KCNQ1: variants seen among roughly 807,000 people sequenced by gnomAD.
The protein encoded by KCNQ1 is potassium voltage-gated channel subfamily KQT member 1.
KCNQ1 carries 49 observed loss-of-function variants against 72.4 expected under a neutral mutation model. That is an observed-to-expected ratio of 0.68 (90% confidence interval 0.54 to 0.86). The LOEUF is 0.86. Among genes scored for constraint, KCNQ1 ranks in the 40% least tolerant of loss-of-function variants. The pLI is 0.00. For synonymous variants in KCNQ1, 450 were observed against 412.6 expected (o/e 1.09, Z -1.10); for missense variants, 790 against 945.1 (o/e 0.84, Z 2.15).
At position 2,475,858 on chromosome 11, in the gene KCNQ1, G is replaced by C. The variant is rs1362974096; in HGVS notation, c.386+30374G>C. ...TTGCCTGCCACCATCCACGTAAGAT[G>C]GGACTTGGTCCTCCTTGCCTTCCGC... is the stretch of plus-strand genomic sequence containing the variant. On this transcript the variant is annotated intron_variant, in intron 1 of 15. Coordinates refer to ENST00000155840, the MANE Select transcript of KCNQ1 (RefSeq NM_000218.3). This position sits in a 1 kb window ranked among gnomAD's most constrained non-coding sequence, Gnocchi z 5.8. Among the ~76,000 whole-genome samples, 1 of 152,172 alleles carries C rather than the reference G, an allele frequency of 6.6e-6. No homozygotes were observed. The highest frequency in any genetic ancestry group is 1.5e-5 in the Non-Finnish European group (1 of 68,026).
Position 2,492,418 on chromosome 11 carries a change from A to G in KCNQ1, c.387-35510A>G, listed in dbSNP as rs1344195857. ...GTGCAGGTTTGTTACATACGTATAC[A>G]GTGCCATGGTGGTTTGCTGCACCTA... On this transcript the variant is annotated intron_variant, in intron 1 of 15. Coordinates refer to ENST00000155840, the MANE Select transcript of KCNQ1 (RefSeq NM_000218.3). The surrounding 1 kb of genome is among the most constrained non-coding windows in gnomAD (Gnocchi z 4.1). Among the ~76,000 whole-genome samples the G allele has an allele frequency of 3.3e-5, 5 of 152,180 alleles. No individual in the cohort carries two copies. The highest frequency in any genetic ancestry group is 7.3e-5 in the Non-Finnish European group (5 of 68,028).
At chr11:2,577,636 GGT>G (rs1848442618) in intron 6 of KCNQ1, among the ~76,000 whole-genome samples, 1 of 152,318 alleles carries the variant, frequency 6.6e-6, no homozygotes, top group African/African-American at 2.4e-5. Flanking sequence ...TTTATTTTGG[GGT>G]GTGTGTCTGC....
chr11:2,658,209 A>C lies in KCNQ1; in HGVS notation c.1394-3752A>C, dbSNP rs1849886084. On this transcript the variant is annotated intron_variant, in intron 10 of 15. Coordinates refer to ENST00000155840, the MANE Select transcript of KCNQ1 (RefSeq NM_000218.3). The surrounding 1 kb of genome is among the most constrained non-coding windows in gnomAD (Gnocchi z 4.9). ...CTGAGTTTCACTAACTAATTTCAGC[A>C]TTCATTCATGGATCGTTTTCCTGCA... The C allele has an allele frequency of 2.5e-6, 1 of 398,472 alleles. No individual in the cohort carries two copies. Among genetic ancestry groups the C allele is most frequent in the African/African-American group, 2.1e-5 (1 of 48,626 alleles). The allele number at this position is 398,472 out of a possible 1,614,324, so 24.7% of individuals were successfully genotyped here. A position where few individuals can be genotyped will look rare whatever the true frequency, so the allele number is the denominator to read the frequency against.
chr11:2,622,457 G>C (rs1485481052), intron 10 of KCNQ1: 1 of 398,246 alleles, frequency 2.5e-6, no homozygotes, highest in East Asian at 3.6e-5. Flanking sequence ...AAGTGAGTTT[G>C]TTATATACAG....
At chr11:2,560,790 G>A (rs1041295096) in intron 2 of KCNQ1, among the ~76,000 whole-genome samples, 2 of 152,054 alleles carry the variant, frequency 1.3e-5, no homozygotes, top group South Asian at 2.1e-4. Flanking sequence ...TGGAGAAGGC[G>A]GGCCCCTGAC....
chr11:2,511,211 G>A (rs1847196064), intron 1 of KCNQ1, among the ~76,000 whole-genome samples: 1 of 152,194 alleles, frequency 6.6e-6, no homozygotes, highest in Non-Finnish European at 1.5e-5. Context: ...CACCTTGGGT[G>A]TGACTGTCAC....
At chr11:2,568,652 G>A (rs1019955070) in intron 2 of KCNQ1, among the ~76,000 whole-genome samples, 3 of 152,182 alleles carry the variant, frequency 2.0e-5, no homozygotes, top group Non-Finnish European at 2.9e-5. Flanking sequence ...TCCTTCATTC[G>A]TTCATTCAGC....
intron 15 of KCNQ1, among the ~76,000 whole-genome samples, chr11:2,797,164 G>A (rs1359690758): frequency 6.6e-6 from 1 of 152,200 alleles, no homozygotes. Context: ...CAGACCTGGG[G>A]GGGTGGCGGG....
Position 2,695,276 on chromosome 11 carries a change from C to A in KCNQ1, c.1514+33195C>A, listed in dbSNP as rs748869373. ...TTCCACTTCATCTCTAGCCTCTATC[C>A]TTGCTCTCCTCCCTACACAAACAGC... On this transcript the variant is annotated intron_variant, in intron 11 of 15. Transcript: ENST00000155840. This position sits in a 1 kb window ranked among gnomAD's most constrained non-coding sequence, Gnocchi z 5.2. 2.5e-5 allele frequency: 10 copies of A among 398,516 alleles called. No homozygotes were observed. The highest frequency in any genetic ancestry group is 4.0e-5 in the Non-Finnish European group (9 of 226,164). The allele number at this position is 398,516 out of a possible 1,614,324, so 24.7% of individuals were successfully genotyped here. A position where few individuals can be genotyped will look rare whatever the true frequency, so the allele number is the denominator to read the frequency against.
rs1281285992 is a variant in KCNQ1 at position 2,742,903 on chromosome 11, C to T, written c.1515-25941C>T. On this transcript the variant is annotated intron_variant, in intron 11 of 15. Coordinates refer to ENST00000155840, the MANE Select transcript of KCNQ1 (RefSeq NM_000218.3). Reference sequence around the variant, plus strand: ...CCGAGCCCCCACACCTGTGGTGTGGCAGCCACCCAGCAAGACTGGACCGAG... The same window carrying T: ...CCGAGCCCCCACACCTGTGGTGTGGTAGCCACCCAGCAAGACTGGACCGAG... 3.3e-5 allele frequency among the ~76,000 whole-genome samples: 5 copies of T among 152,332 alleles called. No homozygotes were observed. In the East Asian group the frequency reaches 9.6e-4, roughly 29 times the overall value.
chr11:2,625,477 G>T, intron 10 of KCNQ1: 1 of 398,250 alleles, frequency 2.5e-6, no homozygotes, highest in South Asian at 1.3e-4. Context: ...TTGTGGTTTT[G>T]ACTTGTATTT....
chr11:2,458,167 C>A lies in KCNQ1; in HGVS notation c.386+12683C>A, dbSNP rs1846222995. ...TGGAACTTGAAGGGGTCCTTGTCTT[C>A]CCCCTTCTCCCCAAGCTGAAGATGC... On this transcript the variant is annotated intron_variant, in intron 1 of 15. Coordinates refer to ENST00000155840, the MANE Select transcript of KCNQ1 (RefSeq NM_000218.3). The surrounding 1 kb of genome is among the most constrained non-coding windows in gnomAD (Gnocchi z 4.6). Among the ~76,000 whole-genome samples, 1 of 152,032 alleles carries A rather than the reference C, an allele frequency of 6.6e-6. No individual in the cohort carries two copies. The highest frequency in any genetic ancestry group is 2.1e-4 in the South Asian group (1 of 4,832).
intron 11 of KCNQ1, among the ~76,000 whole-genome samples, chr11:2,741,875 CT>C (rs1846057880): frequency 6.6e-6 from 1 of 152,216 alleles, no homozygotes; most frequent in Non-Finnish European, 1.5e-5. Context: ...AGGCCCCACT[CT>C]CTGCCACCCC....
rs1443138438 is a variant in KCNQ1 at position 2,493,988 on chromosome 11, T to A, written c.387-33940T>A. Among the ~76,000 whole-genome samples, 1 of 119,194 alleles carries A rather than the reference T, an allele frequency of 8.4e-6. No individual in the cohort carries two copies. Among genetic ancestry groups the A allele is most frequent in the Non-Finnish European group, 1.7e-5 (1 of 58,072 alleles). 78.2% of individuals were successfully genotyped at this position (119,194 alleles called of 152,430 possible). On this transcript the variant is annotated intron_variant, in intron 1 of 15. Coordinates refer to ENST00000155840, the MANE Select transcript of KCNQ1 (RefSeq NM_000218.3). This position sits in a 1 kb window ranked among gnomAD's most constrained non-coding sequence, Gnocchi z 5.3. ...ATTATTCCTATCCATGAGCATGGAATTTTTTTTCCATTTGTTTGTGTCCTT... is the reference window on the plus strand; with the variant it reads ...ATTATTCCTATCCATGAGCATGGAAATTTTTTTCCATTTGTTTGTGTCCTT...
In KCNQ1 at chr11:2,818,784, C is replaced by G. The variant is rs760990277; in HGVS notation, c.1795-28983C>G. Reference sequence around the variant, plus strand: ...CTAGCCTTGTGCTCAGCTGCCAGCACAGCCCCCACCACACACTCCCCAACA... The same window carrying G: ...CTAGCCTTGTGCTCAGCTGCCAGCAGAGCCCCCACCACACACTCCCCAACA... On this transcript the variant is annotated intron_variant, in intron 15 of 15. Coordinates refer to ENST00000155840, the MANE Select transcript of KCNQ1 (RefSeq NM_000218.3). The surrounding 1 kb of genome is among the most constrained non-coding windows in gnomAD (Gnocchi z 7.2). 1.3e-5 allele frequency among the ~76,000 whole-genome samples: 2 copies of G among 151,936 alleles called. No individual in the cohort carries two copies. The highest frequency in any genetic ancestry group is 2.9e-5 in the Non-Finnish European group (2 of 67,976).
At chr11:2,561,279 A>G (rs953999445) in intron 2 of KCNQ1, among the ~76,000 whole-genome samples, 1 of 152,064 alleles carries the variant, frequency 6.6e-6, no homozygotes, top group African/African-American at 2.4e-5. Context: ...TTCCACAGCC[A>G]GGAAGGCCAG....
chr11:2,493,118 C>CT lies in KCNQ1; in HGVS notation c.387-34802dup, dbSNP rs935083264. Among the ~76,000 whole-genome samples, 3 of 152,140 alleles carry CT rather than the reference C, an allele frequency of 2.0e-5. No individual in the cohort carries two copies. The highest frequency in any genetic ancestry group is 2.1e-4 in the South Asian group (1 of 4,818). ...TTCTCTGATGACCAGTAATGATTAG[C>CT]TTTTTTTTCCATATGTTTCTTGGCC... On this transcript the variant is annotated intron_variant, in intron 1 of 15. Transcript: ENST00000155840. The surrounding 1 kb of genome is among the most constrained non-coding windows in gnomAD (Gnocchi z 5.3).
Position 2,624,285 on chromosome 11 carries a change from T to G in KCNQ1, c.1393+35431T>G, listed in dbSNP as rs112738445. 2.5e-6 allele frequency: 1 copy of G among 398,494 alleles called. No homozygotes were observed. Among genetic ancestry groups the G allele is most frequent in the Admixed American group, 4.4e-5 (1 of 22,716 alleles). The allele number at this position is 398,494 out of a possible 1,614,324, so 24.7% of individuals were successfully genotyped here. On this transcript the variant is annotated intron_variant, in intron 10 of 15. Coordinates refer to ENST00000155840, the MANE Select transcript of KCNQ1 (RefSeq NM_000218.3). The surrounding 1 kb of genome is among the most constrained non-coding windows in gnomAD (Gnocchi z 4.9). ...CAGATTGTTTGTTTTCTAATTGTTA[T>G]GTTTTTAAGGTTCTTTATATATTTT... is the stretch of plus-strand genomic sequence containing the variant.
At chr11:2,452,226 G>A (rs800338) in intron 1 of KCNQ1, among the ~76,000 whole-genome samples, 103,997 of 152,106 alleles carry the variant, frequency 0.68, 37,870 homozygotes, top group Non-Finnish European at 0.83. Context: ...AGCTCTCCCC[G>A]GCTCCTGGCT....
Sources: allele counts gnomAD v4.1 joint callset (sites outside exome capture counted in the v4.1 genomes callset), GRCh38; gene constraint gnomAD v4.1.1; non-coding constraint Gnocchi (gnomAD v3.1); transcripts MANE v1.5; gene names NCBI Gene and HGNC (gene_info 2026-07-23, HGNC 2026-07-21).